The following LRRIQ3 variants were observed in gnomAD, a reference collection of about 807,000 sequenced individuals.
The protein encoded by LRRIQ3 is leucine-rich repeat and IQ domain-containing protein 3.
Under a neutral mutation model 59.3 loss-of-function variants are expected in LRRIQ3, and 75 were observed. That is an observed-to-expected ratio of 1.26 (90% CI 1.05 to 1.53). The LOEUF (loss-of-function observed/expected upper bound fraction) is 1.53, where lower values mean the gene tolerates loss of function less well. Ranked by LOEUF, LRRIQ3 falls within the 40% of genes most tolerant of loss-of-function variation. The pLI is 0.00. For synonymous variants in LRRIQ3, 250 were observed against 231.3 expected, an observed-to-expected ratio of 1.08 and a Z score of -0.73; for missense variants, 831 against 710.0, an observed-to-expected ratio of 1.17 and a Z score of -1.94.
intron 5 of LRRIQ3, chr1:74,082,433 G>A (rs1049106726): frequency 1.2e-4 from 18 of 151,426 alleles, no homozygotes; most frequent in African/African-American, 4.3e-4. Flanking sequence ...AAGTTCATAG[G>A]GTCATGTAAA....
intron 6 of LRRIQ3, among the ~76,000 whole-genome samples, chr1:74,056,190 C>T (rs981977115): frequency 5.4e-5 from 8 of 147,438 alleles, no homozygotes; most frequent in African/African-American, 2.0e-4. Flanking sequence ...AATAAATAAA[C>T]TCAACAAATT....
chr1:74,169,970 G>A (rs185362923), intron 3 of LRRIQ3, among the ~76,000 whole-genome samples: 1 of 151,758 alleles, frequency 6.6e-6, no homozygotes, highest in African/African-American at 2.4e-5. Flanking sequence ...TGTATTCTTT[G>A]GAGAAATGTC....
Position 74,041,892 on chromosome 1 carries a change from T to G in LRRIQ3, c.1039A>C (p.Thr347Pro). The G allele has an allele frequency of 6.2e-7, 1 of 1,606,804 alleles. No homozygotes were observed. ...EDEIVDEKLD[T>P]SFRISVFKLP... is the part of the protein sequence containing the mutation. ...TTGAAAACTGATATCCTAAAACTGG[T>G]ATCCAATTTTTCATCCACAATTTCA... The change falls in exon 7 of 8, where the codon ACC becomes CCC. Residue 347 changes from threonine to proline, a missense_variant. Thr to Pro is a conservative substitution (Grantham distance 38). Transcript: ENST00000354431.
At chr1:74,048,444 A>G (rs1557592444) in intron 6 of LRRIQ3, among the ~76,000 whole-genome samples, 1 of 152,182 alleles carries the variant, frequency 6.6e-6, no homozygotes, top group Non-Finnish European at 1.5e-5. Flanking sequence ...AATGTAACAG[A>G]TAACAATTTC....
At chr1:74,183,260 C>A (rs1006831791) in intron 2 of LRRIQ3, 176 bp downstream of exon 2, 3 of 464,884 alleles carry the variant, frequency 6.5e-6, no homozygotes, top group Non-Finnish European at 1.1e-5. Context: ...TTTTCATTTA[C>A]ATCAAAGTGT....
intron 4 of LRRIQ3, among the ~76,000 whole-genome samples, chr1:74,127,673 T>G (rs1557628828): frequency 6.6e-6 from 1 of 151,982 alleles, no homozygotes; most frequent in Non-Finnish European, 1.5e-5. Flanking sequence ...GTATGCTGTC[T>G]ATGTCTTGAA....
At chr1:74,116,064 A>T (rs1179565772) in intron 4 of LRRIQ3, among the ~76,000 whole-genome samples, 2 of 152,058 alleles carry the variant, frequency 1.3e-5, no homozygotes, top group African/African-American at 4.8e-5. Context: ...ATCAAAATAT[A>T]TTGATTTTAA....
chr1:74,028,850 GT>G (rs1391946894), intron 7 of LRRIQ3, among the ~76,000 whole-genome samples: 1 of 151,904 alleles, frequency 6.6e-6, no homozygotes, highest in Non-Finnish European at 1.5e-5. Context: ...TTAGCTACTA[GT>G]ACTATAAGCC....
At chr1:74,093,096 C>T (rs1646411908) in intron 5 of LRRIQ3, among the ~76,000 whole-genome samples, 1 of 151,612 alleles carries the variant, frequency 6.6e-6, no homozygotes, top group African/African-American at 2.4e-5. Context: ...AAATCAGAAG[C>T]ATACTAAGTT....
At chr1:74,193,196 A>G (rs924943881) in intron 1 of LRRIQ3, among the ~76,000 whole-genome samples, 2 of 152,194 alleles carry the variant, frequency 1.3e-5, no homozygotes. Flanking sequence ...TGTGAAATGT[A>G]TATACACATT....
At chr1:74,130,458 C>T (rs147809150) in intron 4 of LRRIQ3, among the ~76,000 whole-genome samples, 8 of 152,254 alleles carry the variant, frequency 5.3e-5, no homozygotes, top group East Asian at 3.9e-4. Flanking sequence ...TCTCTTTCCA[C>T]GCCATGTGGC....
At chr1:74,161,105 T>C (rs1296743608) in intron 3 of LRRIQ3, among the ~76,000 whole-genome samples, 1 of 151,960 alleles carries the variant, frequency 6.6e-6, no homozygotes, top group Admixed American at 6.6e-5. Flanking sequence ...TAGTGTTGGA[T>C]TAAGGCCCAT....
intron 1 of LRRIQ3, among the ~76,000 whole-genome samples, chr1:74,186,473 T>C (rs1650387627): frequency 2.0e-5 from 3 of 152,198 alleles, no homozygotes. Flanking sequence ...AATAACCTTG[T>C]TAGTAGCTTT....
At chr1:74,187,246 A>T (rs1056794422) in intron 1 of LRRIQ3, among the ~76,000 whole-genome samples, 4 of 152,136 alleles carry the variant, frequency 2.6e-5, no homozygotes, top group Admixed American at 2.0e-4. Context: ...ATAGCAGCAC[A>T]ACTCACAATT....
intron 1 of LRRIQ3, among the ~76,000 whole-genome samples, chr1:74,197,422 G>C (rs1487888503): frequency 6.6e-6 from 1 of 152,126 alleles, no homozygotes; most frequent in Admixed American, 6.5e-5. Context: ...TCTGTGTAAA[G>C]ATGAAGTGGT....
chr1:74,127,172 C>T lies in LRRIQ3; in HGVS notation c.708-17619G>A, dbSNP rs142028237. Among the ~76,000 whole-genome samples the T allele has an allele frequency of 6.2e-3, 937 of 151,822 alleles. 3 individuals carry two copies. The highest frequency in any genetic ancestry group is 0.013 in the Admixed American group (199 of 15,204). On this transcript the variant is annotated intron_variant, in intron 4 of 7. Coordinates refer to ENST00000354431, the MANE Select transcript of LRRIQ3 (RefSeq NM_001105659.2). ...CATGTCTGGTATAAGTATTCCTGAT[C>T]CTTTTTAGTTTGCATTGGCATGGAA...
intron 1 of LRRIQ3, among the ~76,000 whole-genome samples, chr1:74,185,574 T>C (rs1045883528): frequency 2.0e-5 from 3 of 152,046 alleles, no homozygotes; most frequent in Non-Finnish European, 2.9e-5. Context: ...TTTCCAAAGT[T>C]TTTTTTTCCC....
chr1:74,127,442 T>C (rs976189567), intron 4 of LRRIQ3, among the ~76,000 whole-genome samples: 4 of 151,944 alleles, frequency 2.6e-5, no homozygotes, highest in Admixed American at 2.6e-4. Context: ...GTCTTCCTTT[T>C]AGTGGTATGT....
intron 6 of LRRIQ3, among the ~76,000 whole-genome samples, chr1:74,058,222 G>T (rs931857470): frequency 6.6e-6 from 1 of 152,016 alleles, no homozygotes; most frequent in East Asian, 1.9e-4. Flanking sequence ...CCACTACTGG[G>T]TGTTCATCCA....
Sources: gnomAD v4.1 joint callset for allele counts (sites outside exome capture counted in the v4.1 genomes callset) on GRCh38, gnomAD v4.1.1 for gene constraint, MANE v1.5 for transcripts, NCBI Gene and HGNC (gene_info 2026-07-23, HGNC 2026-07-21) for gene names.